The following PRKACB variants were observed in gnomAD, a reference collection of about 807,000 sequenced individuals.
PRKACB encodes cAMP-dependent protein kinase catalytic subunit beta.
Under a neutral mutation model 51.4 loss-of-function variants are expected in PRKACB, and 16 were observed. The ratio of observed to expected loss-of-function variants is 0.31; its 90% CI spans 0.21 to 0.47. The LOEUF (loss-of-function observed/expected upper bound fraction) is 0.47, where lower values mean the gene tolerates loss of function less well. Among genes scored for constraint, PRKACB ranks in the 20% least tolerant of loss-of-function variants. The pLI is 1.00. For synonymous variants in PRKACB, 147 were observed against 154.4 expected (o/e 0.95, Z 0.35); for missense variants, 309 against 464.5 (o/e 0.67, Z 3.08).
At chr1:84,153,299 A>T (rs2811998) in intron 1 of PRKACB, among the ~76,000 whole-genome samples, 29,105 of 152,132 alleles carry the variant, frequency 0.19, 3,066 homozygotes, top group South Asian at 0.28. Flanking sequence ...AAAATGTGAC[A>T]CAGAGACATG....
intron 9 of PRKACB, among the ~76,000 whole-genome samples, chr1:84,227,427 G>A (rs1012471689): frequency 1.3e-5 from 2 of 151,942 alleles, no homozygotes; most frequent in Non-Finnish European, 2.9e-5. Flanking sequence ...TTGCCTTGAG[G>A]CTTGTCAACT....
chr1:84,156,084 G>T (rs1655461893), intron 1 of PRKACB, among the ~76,000 whole-genome samples: 1 of 152,050 alleles, frequency 6.6e-6, no homozygotes, highest in South Asian at 2.1e-4. Context: ...GTTCTCCTGG[G>T]CTCAAGCTAT....
chr1:84,214,436 G>A (rs574866861), intron 9 of PRKACB, 119 bp downstream of exon 9: 10 of 986,114 alleles, frequency 1.0e-5, no homozygotes, highest in East Asian at 2.9e-5. Context: ...AATTAATCTT[G>A]TGCAGGATCT....
chr1:84,211,379 TA>T (rs1373040150), intron 8 of PRKACB, among the ~76,000 whole-genome samples: 5 of 152,282 alleles, frequency 3.3e-5, no homozygotes, highest in African/African-American at 1.2e-4. Flanking sequence ...GTACTTCAAA[TA>T]AATTATTTCT....
chr1:84,098,112 T>A (rs1272637801), intron 1 of PRKACB, among the ~76,000 whole-genome samples: 1 of 152,272 alleles, frequency 6.6e-6, no homozygotes, highest in African/African-American at 2.4e-5. Context: ...CGTTTTTATA[T>A]GCTTATTGGG....
intron 1 of PRKACB, among the ~76,000 whole-genome samples, chr1:84,119,995 T>C (rs999214515): frequency 6.6e-6 from 1 of 152,030 alleles, no homozygotes; most frequent in African/African-American, 2.4e-5. Flanking sequence ...CCTCCATCTA[T>C]AACACAACTT....
chr1:84,100,685 T>C (rs1571577929), intron 1 of PRKACB, among the ~76,000 whole-genome samples: 1 of 152,292 alleles, frequency 6.6e-6, no homozygotes, highest in East Asian at 1.9e-4. Flanking sequence ...TCATCAAATC[T>C]GAAGGACCTT....
intron 8 of PRKACB, among the ~76,000 whole-genome samples, chr1:84,207,666 A>G (rs1671543416): frequency 1.3e-5 from 2 of 152,192 alleles, no homozygotes; most frequent in Admixed American, 1.3e-4. Context: ...AACCCTTTTG[A>G]GTCATGTAAG....
chr1:84,119,306 T>C (rs1245724578), intron 1 of PRKACB, among the ~76,000 whole-genome samples: 2 of 152,104 alleles, frequency 1.3e-5, no homozygotes, highest in African/African-American at 4.8e-5. Context: ...TCCAAAACTT[T>C]AAGAACAAGG....
At chr1:84,101,561 A>T (rs776746637) in intron 1 of PRKACB, among the ~76,000 whole-genome samples, 1 of 152,132 alleles carries the variant, frequency 6.6e-6, no homozygotes, top group Non-Finnish European at 1.5e-5. Flanking sequence ...TTTATTACTC[A>T]TTCTTATCAC....
chr1:84,121,158 A>G lies in PRKACB; in HGVS notation c.46+42787A>G, dbSNP rs151238882. On this transcript the variant is annotated intron_variant, in intron 1 of 8. Transcript: ENST00000370688. The stretch of plus-strand genomic sequence containing the variant: ...ACATTATGAAACAACATGCCTATTC[A>G]TTATTTTTATTTGGAATTTTTCCTT... Among the ~76,000 whole-genome samples, 511 of 152,126 alleles carry G rather than the reference A, an allele frequency of 3.4e-3. 3 individuals are homozygous for G. The highest frequency in any genetic ancestry group is 4.4e-3 in the Non-Finnish European group (297 of 67,940).
intron 1 of PRKACB, among the ~76,000 whole-genome samples, chr1:84,130,903 G>A (rs1652117899): frequency 6.6e-6 from 1 of 152,122 alleles, no homozygotes; most frequent in African/African-American, 2.4e-5. Flanking sequence ...CTCCTCTTAA[G>A]TTCATTAAGA....
chr1:84,096,226 G>A (rs1162135670), intron 1 of PRKACB, among the ~76,000 whole-genome samples: 1 of 151,918 alleles, frequency 6.6e-6, no homozygotes, highest in Non-Finnish European at 1.5e-5. Context: ...GTTTATCAGG[G>A]CCCTACCTCA....
chr1:84,216,161 A>T (rs1672851680), intron 9 of PRKACB, among the ~76,000 whole-genome samples: 2 of 152,136 alleles, frequency 1.3e-5, no homozygotes, highest in South Asian at 4.1e-4. Flanking sequence ...AAACATGGCA[A>T]AACCCCGTCT....
intron 1 of PRKACB, among the ~76,000 whole-genome samples, chr1:84,114,627 T>C (rs1418934437): frequency 6.6e-6 from 1 of 152,190 alleles, no homozygotes; most frequent in Non-Finnish European, 1.5e-5. Context: ...TATTCCATTT[T>C]ACTGTATGGT....
chr1:84,151,174 T>TAAA (rs2100642261), intron 1 of PRKACB, among the ~76,000 whole-genome samples: 1 of 152,304 alleles, frequency 6.6e-6, no homozygotes, highest in South Asian at 2.1e-4. Flanking sequence ...AAAGTCACAG[T>TAAA]AAAGCAAGTC....
intron 9 of PRKACB, among the ~76,000 whole-genome samples, chr1:84,223,360 GT>G (rs201399102): frequency 1.6e-5 from 1 of 64,112 alleles, no homozygotes. Flanking sequence ...CTGTTTGGTT[GT>G]TTTTTTTTGT....
chr1:84,093,058 A>T (rs778990411), intron 1 of PRKACB, among the ~76,000 whole-genome samples: 1 of 151,958 alleles, frequency 6.6e-6, no homozygotes, highest in Non-Finnish European at 1.5e-5. Flanking sequence ...TTTCTTAACG[A>T]TGTCTCCTTC....
intron 2 of PRKACB, chr1:84,181,863 A>G (rs1663616108): frequency 1.7e-6 from 1 of 593,618 alleles, no homozygotes; most frequent in African/African-American, 1.9e-5. Context: ...TTAAAATATG[A>G]AACTAATTTA....
Sources: gnomAD v4.1 joint callset for allele counts (sites outside exome capture counted in the v4.1 genomes callset) on GRCh38, gnomAD v4.1.1 for gene constraint, MANE v1.5 for transcripts, NCBI Gene and HGNC (gene_info 2026-07-23, HGNC 2026-07-21) for gene names.